Variants in NHLRC2 observed in about 807,000 individuals in gnomAD.
NHLRC2 encodes NHL repeat containing 2, also known as NHL repeat-containing protein 2.
A neutral mutation model predicts 68.1 loss-of-function variants in NHLRC2; 33 were observed. The ratio of observed to expected loss-of-function variants is 0.48; its 90% CI spans 0.37 to 0.65. The LOEUF (loss-of-function observed/expected upper bound fraction) is 0.65. NHLRC2 is among the 30% of genes least tolerant of loss of function. The pLI is 0.00. For synonymous variants in NHLRC2, 311 were observed against 309.6 expected (o/e 1.00, Z -0.05); for missense variants, 761 against 853.8 (o/e 0.89, Z 1.35).
At chr10:113,864,811 T>C (rs1043668655) in intron 2 of NHLRC2, among the ~76,000 whole-genome samples, 5 of 152,114 alleles carry the variant, frequency 3.3e-5, no homozygotes, top group African/African-American at 1.2e-4. Context: ...CAGTGGTTTG[T>C]TGGAGCTGGC....
intron 4 of NHLRC2, among the ~76,000 whole-genome samples, chr10:113,880,345 G>A (rs913244635): frequency 6.6e-6 from 1 of 151,586 alleles, no homozygotes; most frequent in Admixed American, 6.6e-5. Context: ...ATAATGTTTT[G>A]CAGGTTTTTC....
Position 113,870,922 on chromosome 10 carries a change from A to T in NHLRC2, c.332-5599A>T, listed in dbSNP as rs1845917249. On this transcript the variant is annotated intron_variant, in intron 2 of 10. Coordinates refer to ENST00000369301, the MANE Select transcript of NHLRC2 (RefSeq NM_198514.4). ...TTATATGGCTATTTATTGTATATGA[A>T]GTTTTGTCTGCCATTATATCCCCTA... 2.6e-5 allele frequency among the ~76,000 whole-genome samples: 4 copies of T among 151,702 alleles called. No individual in the cohort carries two copies. In the South Asian group the frequency reaches 8.3e-4, roughly 32 times the overall value.
intron 5 of NHLRC2, among the ~76,000 whole-genome samples, chr10:113,890,572 GTCTTTC>G (rs1187655070): frequency 4.6e-5 from 7 of 151,940 alleles, no homozygotes; most frequent in African/African-American, 1.4e-4. Flanking sequence ...GCCCCTTTCT[GTCTTTC>G]TCTTTCTGGG....
chr10:113,858,714 T>C (rs759491835), intron 2 of NHLRC2, 34 bp downstream of exon 2: 152 of 1,540,728 alleles, frequency 9.9e-5, no homozygotes, highest in Non-Finnish European at 1.3e-4. Context: ...TAACAGACTG[T>C]CCTGGCATAG....
intron 1 of NHLRC2, among the ~76,000 whole-genome samples, chr10:113,856,643 A>ACTCATGGGAGTGTATTTACACTCAT (rs1845762286): frequency 2.0e-5 from 3 of 152,190 alleles, no homozygotes; most frequent in African/African-American, 7.2e-5. Context: ...TTGTATTTAC[A>ACTCATGGGAGTGTATTTACACTCAT]GGGAGTGTAT....
At chr10:113,865,424 T>G (rs762006008) in intron 2 of NHLRC2, among the ~76,000 whole-genome samples, 1 of 152,078 alleles carries the variant, frequency 6.6e-6, no homozygotes, top group Non-Finnish European at 1.5e-5. Flanking sequence ...TAGAATATTG[T>G]TTGTGGAATA....
Position 113,903,794 on chromosome 10 carries a change from C to T in NHLRC2, c.1704+58C>T, listed in dbSNP as rs1464163918. 9 of 996,114 alleles carry T rather than the reference C, an allele frequency of 9.0e-6. No homozygotes were observed. The African/African-American group carries it at 1.1e-4, about 12-fold the overall frequency. The allele number at this position is 996,114 out of a possible 1,614,324, so 61.7% of individuals were successfully genotyped here. On this transcript the variant is annotated intron_variant, in intron 9 of 10. Transcript: ENST00000369301. ...TGGTTTTAAGAATGATACTAAGATC[C>T]TCACAGCACTGACAGAGGCATTTTT... is the stretch of plus-strand genomic sequence containing the variant.
intron 2 of NHLRC2, among the ~76,000 whole-genome samples, chr10:113,869,143 G>C (rs1279631912): frequency 6.6e-6 from 1 of 152,230 alleles, no homozygotes; most frequent in Non-Finnish European, 1.5e-5. Context: ...TGACAAGGCT[G>C]TTGTGCTCTC....
intron 10 of NHLRC2, among the ~76,000 whole-genome samples, chr10:113,905,618 A>G (rs556800992): frequency 6.6e-6 from 1 of 152,228 alleles, no homozygotes; most frequent in East Asian, 1.9e-4. Context: ...CTAAATTACA[A>G]CTTGTCTCTA....
intron 5 of NHLRC2, among the ~76,000 whole-genome samples, chr10:113,895,126 A>C (rs566202354): frequency 6.6e-6 from 1 of 152,350 alleles, no homozygotes; most frequent in Admixed American, 6.5e-5. Flanking sequence ...AGAGGATAAT[A>C]GTACAGGTTC....
At chr10:113,857,260 G>A (rs1845768600) in intron 1 of NHLRC2, among the ~76,000 whole-genome samples, 1 of 152,062 alleles carries the variant, frequency 6.6e-6, no homozygotes, top group Admixed American at 6.6e-5. Context: ...TTACAGAAAA[G>A]TCACAGAAGA....
chr10:113,898,174 A>T lies in NHLRC2; in HGVS notation c.1104A>T (p.Ala368=), dbSNP rs776191573. ...TGGCAGGGACTCATCAGATATGGGC[A>T]CTCCTGCTGGACTCTGGCAAACTGC... ...IAMAGTHQIW[A]LLLDSGKLPK... The change falls in exon 6 of 11, where the codon GCA becomes GCT. Residue 368 remains alanine, a synonymous_variant. Transcript: ENST00000369301. The T allele has an allele frequency of 1.8e-4, 286 of 1,612,830 alleles. No individual in the cohort carries two copies. Among genetic ancestry groups the T allele is most frequent in the Middle Eastern group, 3.3e-4 (2 of 6,066 alleles).
chr10:113,905,183 T>C (rs1181727677), intron 10 of NHLRC2, 147 bp downstream of exon 10: 10 of 448,190 alleles, frequency 2.2e-5, no homozygotes, highest in Non-Finnish European at 3.5e-5. Flanking sequence ...CAACCCCACA[T>C]TGGCCATTTG....
intron 1 of NHLRC2, among the ~76,000 whole-genome samples, chr10:113,858,059 T>G (rs1242351570): frequency 6.6e-6 from 1 of 151,784 alleles, no homozygotes; most frequent in East Asian, 1.9e-4. Context: ...TTTTTTTTTT[T>G]TTGCCTAAGT....
intron 6 of NHLRC2, among the ~76,000 whole-genome samples, chr10:113,900,396 G>C (rs1846217284): frequency 2.0e-5 from 3 of 152,174 alleles, no homozygotes; most frequent in East Asian, 1.9e-4. Flanking sequence ...AGAATATGCT[G>C]TTCTGGGTGA....
chr10:113,861,614 G>A (rs1445310113), intron 2 of NHLRC2, among the ~76,000 whole-genome samples: 1 of 152,176 alleles, frequency 6.6e-6, no homozygotes, highest in Admixed American at 6.5e-5. Flanking sequence ...TAAAAGCTAA[G>A]GGAGTTCATT....
intron 1 of NHLRC2, among the ~76,000 whole-genome samples, 178 bp downstream of exon 1, chr10:113,855,228 G>A (rs527848252): frequency 8.5e-4 from 129 of 152,340 alleles, no homozygotes; most frequent in Non-Finnish European, 1.4e-3. Flanking sequence ...GTCCCCAAGC[G>A]GCCACCGACG....
At chr10:113,890,278 T>C (rs1846119427) in intron 5 of NHLRC2, among the ~76,000 whole-genome samples, 1 of 152,256 alleles carries the variant, frequency 6.6e-6, no homozygotes, top group Admixed American at 6.5e-5. Flanking sequence ...TTTTATTGCG[T>C]ATGTGAATCT....
rs1436792365 is a variant in NHLRC2 at position 113,909,683 on chromosome 10, T to C, written c.*1147T>C. The C allele has an allele frequency of 6.6e-6, 1 of 152,110 alleles. No individual in the cohort carries two copies. Among genetic ancestry groups the C allele is most frequent in the African/African-American group, 2.4e-5 (1 of 41,438 alleles). The allele number at this position is 152,110 out of a possible 1,614,324, so 9.4% of individuals were successfully genotyped here. On this transcript the variant is annotated 3_prime_UTR_variant, in exon 11 of 11. Transcript: ENST00000369301. ...TGTTTTTTATCCCTAAAAAAAGATA[T>C]TGGAAAGGTTTTTTTTCTATTGTCA...
Sources: allele counts gnomAD v4.1 joint callset (sites outside exome capture counted in the v4.1 genomes callset), GRCh38; gene constraint gnomAD v4.1.1; transcripts MANE v1.5; gene names NCBI Gene and HGNC (gene_info 2026-07-23, HGNC 2026-07-21).